Variants in IFT122 observed in about 807,000 individuals in gnomAD.
IFT122 encodes the protein intraflagellar transport protein 122 homolog.
Under a neutral mutation model 161.6 loss-of-function variants are expected in IFT122, and 118 were observed. The ratio of observed to expected loss-of-function variants is 0.73; its 90% CI spans 0.63 to 0.85. The LOEUF (loss-of-function observed/expected upper bound fraction) is 0.85, where lower values mean the gene tolerates loss of function less well. Among genes scored for constraint, IFT122 ranks in the 40% least tolerant of loss-of-function variants. The pLI is 0.00. For synonymous variants in IFT122, 550 were observed against 602.4 expected, an observed-to-expected ratio of 0.91 and a Z score of 1.27; for missense variants, 1,381 against 1,579.6, an observed-to-expected ratio of 0.87 and a Z score of 2.13.
chr3:129,448,364 A>AG (rs1375746930), intron 1 of IFT122, among the ~76,000 whole-genome samples: 2 of 152,186 alleles, frequency 1.3e-5, no homozygotes, highest in African/African-American at 2.4e-5. Flanking sequence ...AAGCTTGAGG[A>AG]GGTGGTGTCT....
At chr3:129,515,722 A>G (rs2083411244) in intron 26 of IFT122, 123 bp downstream of exon 26, 1 of 835,938 alleles carries the variant, frequency 1.2e-6, no homozygotes, top group South Asian at 1.4e-5. Flanking sequence ...CCTGTTTATG[A>G]AATGAGGACA....
intron 15 of IFT122, among the ~76,000 whole-genome samples, chr3:129,487,090 GAGAA>G (rs1310461854): frequency 6.6e-6 from 1 of 152,182 alleles, no homozygotes; most frequent in East Asian, 1.9e-4. Flanking sequence ...GCCCCAAATG[GAGAA>G]AACAATACTT....
Position 129,479,792 on chromosome 3 carries a change from G to C in IFT122, c.1358G>C (p.Arg453Pro). The stretch of plus-strand genomic sequence containing the variant: ...GCTGGGTTTGCTTCCTAGGAGAAAC[G>C]GCTGCAGTGCCTGTCCTTCAGCGGA... ...ANHIILCQEKRLQCLSFSGVK... is the reference protein window; with the variant it reads ...ANHIILCQEKPLQCLSFSGVK... Residue 453 changes from arginine (R) to proline (P), a missense_variant, in exon 13 of 30, where the codon CGG becomes CCG. Around this residue, in one of 7 missense-constraint regions of IFT122, gnomAD observed 544 missense variants for 648.0 expected, o/e 0.84. Coordinates refer to ENST00000348417, the MANE Select transcript of IFT122 (RefSeq NM_052989.3). The C allele has an allele frequency of 5.6e-6, 9 of 1,613,974 alleles. No individual in the cohort carries two copies. Among genetic ancestry groups the C allele is most frequent in the Non-Finnish European group, 7.6e-6 (9 of 1,180,026 alleles).
At position 129,464,632 on chromosome 3, in the gene IFT122, C is replaced by T; in HGVS notation, c.417-3C>T. 1 of 1,614,116 alleles carries T rather than the reference C, an allele frequency of 6.2e-7. No individual in the cohort carries two copies. The highest frequency in any genetic ancestry group is 8.5e-7 in the Non-Finnish European group (1 of 1,180,028). On this transcript the variant is annotated splice_polypyrimidine_tract_variant and splice_region_variant and intron_variant, in intron 6 of 29. Transcript: ENST00000348417. The stretch of plus-strand genomic sequence containing the variant: ...CCATGCCTTTTGTTGGTTGTGTACA[C>T]AGCTGGACAAATGATGGTCAGTACC...
At chr3:129,508,917 G>A (rs952373535) in intron 23 of IFT122, among the ~76,000 whole-genome samples, 11 of 152,126 alleles carry the variant, frequency 7.2e-5, no homozygotes, top group Non-Finnish European at 1.0e-4. Flanking sequence ...TGCAGTTTTC[G>A]GTGCATCTCC....
intron 1 of IFT122, among the ~76,000 whole-genome samples, chr3:129,444,422 C>G (rs2073708990): frequency 6.6e-6 from 1 of 152,208 alleles, no homozygotes; most frequent in Admixed American, 6.5e-5. Context: ...CAACTTGCCT[C>G]TCTGTACTTT....
At chr3:129,519,916 C>T (rs536848093) in intron 29 of IFT122, among the ~76,000 whole-genome samples, 184 bp downstream of exon 29, 12 of 152,302 alleles carry the variant, frequency 7.9e-5, no homozygotes, top group African/African-American at 2.6e-4. Context: ...ACTTCACTGG[C>T]CCCTGCGCTG....
chr3:129,515,153 C>T, intron 25 of IFT122: 1 of 467,306 alleles, frequency 2.1e-6, no homozygotes, highest in Non-Finnish European at 4.0e-6. Context: ...CCAGTATAGT[C>T]CACGTGCTCC....
chr3:129,469,180 T>C (rs2285350), intron 8 of IFT122, among the ~76,000 whole-genome samples, 162 bp from the exon 9 acceptor site: 1 of 152,136 alleles, frequency 6.6e-6, no homozygotes, highest in African/African-American at 2.4e-5. Flanking sequence ...GTAAGACTGA[T>C]TGATGGGTTG....
rs369525803 is a variant in IFT122, at chr3:129,458,634, G to T, written c.229G>T (p.Val77Phe). 2.5e-6 allele frequency: 4 copies of T among 1,613,972 alleles called. No homozygotes were observed. Among genetic ancestry groups the T allele is most frequent in the Non-Finnish European group, 3.4e-6 (4 of 1,179,968 alleles). ...TGCTTCTGGATCAGCTGACAAAAGC[G>T]TTATTATCTGGACATCAAAACTGGA... ...RFASGSADKS[V>F]IIWTSKLEGI... Residue 77 changes from valine (V) to phenylalanine (F), a missense_variant, in exon 4 of 30, where the codon GTT becomes TTT. Val to Phe is a conservative substitution (Grantham distance 50). Around this residue, in one of 7 missense-constraint regions of IFT122, gnomAD observed 134 missense variants for 137.4 expected, o/e 0.98. Coordinates refer to ENST00000348417, the MANE Select transcript of IFT122 (RefSeq NM_052989.3).
At chr3:129,492,089 A>G (rs563894428) in intron 16 of IFT122, 52 bp from the exon 17 acceptor site, 1 of 1,433,190 alleles carries the variant, frequency 7.0e-7, no homozygotes, top group African/African-American at 1.4e-5. Context: ...CCAATCACCC[A>G]CTTTTGAAGC....
At chr3:129,480,815 C>T (rs1232815187) in intron 13 of IFT122, among the ~76,000 whole-genome samples, 2 of 152,098 alleles carry the variant, frequency 1.3e-5, no homozygotes, top group African/African-American at 4.8e-5. Flanking sequence ...CCACATATTT[C>T]ATAGGGCTGT....
In IFT122 at chr3:129,463,615, C is replaced by G. The variant is rs1215700167; in HGVS notation, c.405C>G (p.Ile135Met). 6.2e-7 allele frequency: 1 copy of G among 1,612,776 alleles called. No homozygotes were observed. Among genetic ancestry groups the G allele is most frequent in the East Asian group, 2.2e-5 (1 of 44,862 alleles). Residue 135 changes from isoleucine (I) to methionine (M), a missense_variant, in exon 6 of 30, where the codon ATC (isoleucine) becomes ATG (methionine). This residue lies in a region of IFT122 where 544 missense variants were observed against 648.0 expected (regional missense o/e 0.84). Transcript: ENST00000348417. ...CCAAACACAAATCAAGCAGCAAGAT[C>G]ATCTGCTGCAGGTAAGTGCAGCTCT... The part of the protein sequence containing the change: ...SVSKHKSSSK[I>M]ICCSWTNDGQ...
chr3:129,493,052 A>G (rs1319367648), intron 17 of IFT122, among the ~76,000 whole-genome samples: 1 of 152,078 alleles, frequency 6.6e-6, no homozygotes, highest in Non-Finnish European at 1.5e-5. Flanking sequence ...TCGTGGGCTC[A>G]AGCTATTAGC....
intron 15 of IFT122, among the ~76,000 whole-genome samples, chr3:129,485,317 T>G (rs57677080): frequency 6.6e-6 from 1 of 152,326 alleles, no homozygotes; most frequent in East Asian, 1.9e-4. Context: ...CAACTCAGCT[T>G]CAGGCTAGAG....
In IFT122 at chr3:129,520,363, C is replaced by T. The variant is rs958625149; in HGVS notation, c.*98C>T. On this transcript the variant is annotated 3_prime_UTR_variant, in exon 30 of 30. Transcript: ENST00000348417. ...TTAAACTGTCAGAATGTGTTTCTTGCCCAGATGAAGTTTGTGTTTTGTGGG... is the reference window on the plus strand; with the variant it reads ...TTAAACTGTCAGAATGTGTTTCTTGTCCAGATGAAGTTTGTGTTTTGTGGG... 12 of 1,003,598 alleles carry T rather than the reference C, an allele frequency of 1.2e-5. No homozygotes were observed. The highest frequency in any genetic ancestry group is 1.6e-5 in the African/African-American group (1 of 62,864). The allele number at this position is 1,003,598 out of a possible 1,614,324, so 62.2% of individuals were successfully genotyped here.
chr3:129,487,708 G>A (rs540498688), intron 15 of IFT122: 11 of 184,976 alleles, frequency 5.9e-5, no homozygotes, highest in Non-Finnish European at 1.0e-4. Flanking sequence ...GTCAGCAAAC[G>A]TAGACTGGGG....
intron 16 of IFT122, among the ~76,000 whole-genome samples, chr3:129,490,718 T>C (rs1308080994): frequency 6.6e-6 from 1 of 152,192 alleles, no homozygotes; most frequent in Non-Finnish European, 1.5e-5. Context: ...GCCACTGTGC[T>C]GGGCTTTGCA....
intron 8 of IFT122, among the ~76,000 whole-genome samples, chr3:129,469,049 C>T (rs945236792): frequency 6.6e-6 from 1 of 152,160 alleles, no homozygotes; most frequent in African/African-American, 2.4e-5. Flanking sequence ...CCAGTAAGCT[C>T]TGAAATGAGA....
Sources: gnomAD v4.1 joint callset for allele counts (sites outside exome capture counted in the v4.1 genomes callset) on GRCh38, gnomAD v4.1.1 for gene constraint, gnomAD v4.1.1 regional missense constraint, MANE v1.5 for transcripts, NCBI Gene and HGNC (gene_info 2026-07-23, HGNC 2026-07-21) for gene names.